Variants in NFIB observed in about 807,000 individuals in gnomAD.
The protein encoded by NFIB is nuclear factor 1 B-type.
Under a neutral mutation model 61.5 loss-of-function variants are expected in NFIB, and 11 were observed. That is an observed-to-expected ratio of 0.18 (90% CI 0.11 to 0.30). The LOEUF is 0.30. Among genes scored for constraint, NFIB ranks in the 10% least tolerant of loss-of-function variants. The pLI, the probability that NFIB is intolerant of heterozygous loss-of-function variation, is 1.00. For missense variants in NFIB, 471 were observed against 608.9 expected (o/e 0.77, Z 2.38); for synonymous variants, 260 against 216.5 (o/e 1.20, Z -1.76).
chr9:14,182,924 G>A (rs1474829787), intron 2 of NFIB, among the ~76,000 whole-genome samples: 1 of 151,798 alleles, frequency 6.6e-6, no homozygotes, highest in East Asian at 1.9e-4. Context: ...AGCACCAAAA[G>A]CATTGGGTCA....
intron 2 of NFIB, among the ~76,000 whole-genome samples, chr9:14,234,911 G>C (rs1300798107): frequency 6.7e-6 from 1 of 149,464 alleles, no homozygotes; most frequent in Non-Finnish European, 1.5e-5. Context: ...ATCAACCAGG[G>C]GACAAAAAAA....
In NFIB at chr9:14,313,780, C is replaced by T; in HGVS notation, c.-269G>A. The T allele has an allele frequency of 7.5e-7, 1 of 1,342,064 alleles. No homozygotes were observed. Among genetic ancestry groups the T allele is most frequent in the Non-Finnish European group, 9.5e-7 (1 of 1,047,486 alleles). 83.1% of individuals were successfully genotyped at this position (1,342,064 alleles called of 1,614,324 possible). On this transcript the variant is annotated 5_prime_UTR_variant, in exon 1 of 11. Transcript: ENST00000380953. This position sits in a 1 kb window ranked among gnomAD's most constrained non-coding sequence, Gnocchi z 4.5. ...AGTCCGAGCGCGCTGGCCGTGCTTG[C>T]CGAGGCCGCCGCCGCCGCCGGTGTT... is the stretch of plus-strand genomic sequence containing the variant.
the NFIB span, among the ~76,000 whole-genome samples, chr9:14,507,410 C>T: frequency 6.6e-6 from 1 of 152,170 alleles, no homozygotes; most frequent in African/African-American, 2.4e-5. Context: ...TTTAAAGCAA[C>T]CATTTCAGTA....
intron 1 of NFIB, chr9:14,362,562 G>A (rs1383712191): frequency 3.3e-5 from 5 of 152,112 alleles, no homozygotes; most frequent in Non-Finnish European, 7.3e-5. Context: ...TCAAGAAAAG[G>A]AAGAATACCT....
the NFIB span, among the ~76,000 whole-genome samples, chr9:14,460,517 T>TA: frequency 2.7e-3 from 387 of 145,804 alleles, 3 homozygotes; most frequent in African/African-American, 7.4e-3. Flanking sequence ...TAAAGTATAA[T>TA]AAAAAAAAAA....
rs115469630 is a variant in NFIB at position 14,296,474 on chromosome 9, C to T, written c.562+10515G>A. Among the ~76,000 whole-genome samples, 1,161 of 152,342 alleles carry T rather than the reference C, an allele frequency of 7.6e-3. 12 individuals are homozygous for T. The highest frequency in any genetic ancestry group is 0.026 in the African/African-American group (1,092 of 41,580). On this transcript the variant is annotated intron_variant, in intron 2 of 10. Transcript: ENST00000380953. ...TGTTTGGGTCTTCCCCAAATTCCTACGTTGAAATCCTAACCCCCAATCTGA... is the reference window on the plus strand; with the variant it reads ...TGTTTGGGTCTTCCCCAAATTCCTATGTTGAAATCCTAACCCCCAATCTGA...
chr9:14,153,904 C>T (rs551220693), intron 4 of NFIB, among the ~76,000 whole-genome samples: 24 of 152,152 alleles, frequency 1.6e-4, no homozygotes, highest in African/African-American at 5.1e-4. Context: ...TCAGAGACAC[C>T]TATTTACATA....
chr9:14,242,777 CT>C (rs2054492300), intron 2 of NFIB, among the ~76,000 whole-genome samples: 1 of 152,088 alleles, frequency 6.6e-6, no homozygotes, highest in Non-Finnish European at 1.5e-5. Flanking sequence ...CATAGGAATG[CT>C]TTAAAGAGTT....
chr9:14,431,351 T>C, the NFIB span, among the ~76,000 whole-genome samples: 13 of 152,086 alleles, frequency 8.5e-5, no homozygotes, highest in African/African-American at 3.1e-4. Context: ...GTCTACTTAA[T>C]CACATTTTTT....
chr9:14,353,184 G>C (rs185064148), intron 1 of NFIB, among the ~76,000 whole-genome samples: 199 of 152,216 alleles, frequency 1.3e-3, no homozygotes, highest in African/African-American at 4.6e-3. Context: ...AGACTGTAGG[G>C]GCAGACAGAG....
At chr9:14,330,252 C>A (rs2060805277) in intron 1 of NFIB, among the ~76,000 whole-genome samples, 1 of 152,160 alleles carries the variant, frequency 6.6e-6, no homozygotes, top group Admixed American at 6.5e-5. Flanking sequence ...AAGTACCTAA[C>A]TAAAAAGTTA....
the NFIB span, among the ~76,000 whole-genome samples, chr9:14,490,692 G>A: frequency 6.6e-6 from 1 of 152,118 alleles, no homozygotes; most frequent in Non-Finnish European, 1.5e-5. Flanking sequence ...TATACATAGG[G>A]AAGGAATCTC....
intron 1 of NFIB, among the ~76,000 whole-genome samples, chr9:14,356,055 A>G (rs1272882920): frequency 6.6e-6 from 1 of 152,192 alleles, no homozygotes; most frequent in African/African-American, 2.4e-5. Context: ...GGTCCCTCAC[A>G]AACTGTGTGG....
At chr9:14,162,276 A>G (rs774563715) in intron 3 of NFIB, among the ~76,000 whole-genome samples, 1 of 152,062 alleles carries the variant, frequency 6.6e-6, no homozygotes, top group African/African-American at 2.4e-5. Context: ...CTGAAAAAGT[A>G]CTCACTTATT....
intron 2 of NFIB, among the ~76,000 whole-genome samples, chr9:14,193,254 C>T (rs1289377031): frequency 6.6e-6 from 1 of 151,864 alleles, no homozygotes; most frequent in African/African-American, 2.4e-5. Flanking sequence ...GTCTCTCTAA[C>T]CAATTTTTAA....
the NFIB span, among the ~76,000 whole-genome samples, chr9:14,457,625 T>C: frequency 1.7e-4 from 26 of 149,516 alleles, no homozygotes; most frequent in East Asian, 1.8e-3. Context: ...CCTAGCAAGA[T>C]TAATAAAGAA....
chr9:14,505,428 C>G, the NFIB span, among the ~76,000 whole-genome samples: 1 of 152,162 alleles, frequency 6.6e-6, no homozygotes, highest in African/African-American at 2.4e-5. Flanking sequence ...GCTACAGCAT[C>G]TCACTTTGCT....
intron 2 of NFIB, among the ~76,000 whole-genome samples, chr9:14,291,591 C>A (rs974854195): frequency 5.9e-5 from 9 of 151,988 alleles, no homozygotes; most frequent in Non-Finnish European, 1.3e-4. Flanking sequence ...TAAAAAAATT[C>A]TCAGAAACAT....
chr9:14,115,006 T>G (rs570662197), intron 9 of NFIB, among the ~76,000 whole-genome samples: 1 of 152,336 alleles, frequency 6.6e-6, no homozygotes, highest in East Asian at 1.9e-4. Context: ...CATCCATCTG[T>G]GCATTCAGGG....
Sources: allele counts gnomAD v4.1 joint callset (sites outside exome capture counted in the v4.1 genomes callset), GRCh38; gene constraint gnomAD v4.1.1; non-coding constraint Gnocchi (gnomAD v3.1); transcripts MANE v1.5; gene names NCBI Gene and HGNC (gene_info 2026-07-23, HGNC 2026-07-21).